Variants in CD40 observed in about 807,000 individuals in gnomAD.
The protein encoded by CD40 is tumor necrosis factor receptor superfamily member 5.
In CD40, 19 loss-of-function variants were observed where a neutral mutation model predicts 38.5. That is an observed-to-expected ratio of 0.49 (90% CI 0.34 to 0.72). The LOEUF is 0.72. CD40 is among the 30% of genes least tolerant of loss of function. The probability of loss-of-function intolerance (pLI) is 0.01; values close to 1 mark genes in which losing one functional copy is unlikely to be tolerated. For synonymous variants in CD40, 130 were observed against 128.7 expected (o/e 1.01, Z -0.07); for missense variants, 256 against 344.1 (o/e 0.74, Z 2.03).
chr20:46,125,624 T>A (rs1350668836), intron 5 of CD40, among the ~76,000 whole-genome samples: 1 of 151,400 alleles, frequency 6.6e-6, no homozygotes, highest in Non-Finnish European at 1.5e-5. Flanking sequence ...CCACCTTAGA[T>A]GATTTTTCCT....
intron 1 of CD40, among the ~76,000 whole-genome samples, chr20:46,121,120 T>C (rs1316765689): frequency 6.6e-6 from 1 of 152,176 alleles, no homozygotes. Context: ...GCATGGGTGG[T>C]ACCTGGATGT....
chr20:46,128,094 A>G, intron 6 of CD40, 44 bp from the exon 7 acceptor site: 3 of 1,614,060 alleles, frequency 1.9e-6, no homozygotes, highest in Non-Finnish European at 2.5e-6. Context: ...GGGTAGGGAG[A>G]AACTGCAGGT....
intron 6 of CD40, chr20:46,127,041 C>T: frequency 2.6e-6 from 1 of 391,120 alleles, no homozygotes; most frequent in South Asian, 2.2e-5. Context: ...GCTAAATGAC[C>T]AGTTAATGGG....
chr20:46,124,668 C>T (rs2085387493), intron 5 of CD40, among the ~76,000 whole-genome samples: 1 of 150,212 alleles, frequency 6.7e-6, no homozygotes, highest in African/African-American at 2.5e-5. Context: ...ATCCCCTATA[C>T]CTGGAACAGT....
rs1013244102 is a variant in CD40, at chr20:46,123,113, C to A, written c.404-13C>A. The A allele has an allele frequency of 3.1e-6, 5 of 1,604,084 alleles. No homozygotes were observed. The highest frequency in any genetic ancestry group is 1.3e-5 in the African/African-American group (1 of 74,846). ...CTGTGATGGTTAATGTCCCCCTCCC[C>A]ACCCACTCCCAGCTACAGGGGTTTC... On this transcript the variant is annotated splice_polypyrimidine_tract_variant and intron_variant, in intron 4 of 8. Transcript: ENST00000372285.
rs2085504910 is a variant in CD40, at chr20:46,129,172, AC to A, written c.*136del. The A allele has an allele frequency of 1.0e-6, 1 of 987,212 alleles. No homozygotes were observed. The highest frequency in any genetic ancestry group is 1.9e-5 in the Admixed American group (1 of 52,198). 61.2% of individuals were successfully genotyped at this position (987,212 alleles called of 1,614,324 possible). Reference sequence around the variant, plus strand: ...GGCATAGCTCCCCGCTTCTGCCTGCACCCCTGCAGTTTGAGACAGGAGACCT... The same window carrying A: ...GGCATAGCTCCCCGCTTCTGCCTGCACCCTGCAGTTTGAGACAGGAGACCT... On this transcript the variant is annotated 3_prime_UTR_variant, in exon 9 of 9. Transcript: ENST00000372285.
In CD40 at chr20:46,129,413, C is replaced by G; in HGVS notation, c.*373C>G. 1 of 308,894 alleles carries G rather than the reference C, an allele frequency of 3.2e-6. No individual in the cohort carries two copies. The highest frequency in any genetic ancestry group is 4.4e-5 in the Admixed American group (1 of 22,978). 19.1% of individuals were successfully genotyped at this position (308,894 alleles called of 1,614,324 possible). A position where few individuals can be genotyped will look rare whatever the true frequency, so the allele number is the denominator to read the frequency against. ...CCCTGCGCCCAGGAAGCCATATACA[C>G]AGATGCCCATTGCAGCATTGTTTGT... On this transcript the variant is annotated 3_prime_UTR_variant, in exon 9 of 9. Coordinates refer to ENST00000372285, the MANE Select transcript of CD40 (RefSeq NM_001250.6).
At chr20:46,127,983 C>T (rs2085469324) in intron 6 of CD40, 155 bp from the exon 7 acceptor site, 4 of 1,457,678 alleles carry the variant, frequency 2.7e-6, no homozygotes, top group African/African-American at 2.8e-5. Context: ...TTAAAGACAT[C>T]TGCCAGCCAC....
rs1175794755 is a variant in CD40, at chr20:46,122,891, T to C, written c.403+135T>C. 16 of 1,142,660 alleles carry C rather than the reference T, an allele frequency of 1.4e-5. No individual in the cohort carries two copies. The highest frequency in any genetic ancestry group is 2.0e-5 in the Non-Finnish European group (16 of 793,868). 70.8% of individuals were successfully genotyped at this position (1,142,660 alleles called of 1,614,324 possible). On this transcript the variant is annotated intron_variant, in intron 4 of 8. Transcript: ENST00000372285. The surrounding 1 kb of genome is among the most constrained non-coding windows in gnomAD (Gnocchi z 5.0). ...CTCCAACCTATGTCGGTATCCCCAC[T>C]GGAGTGAGCTGCAGACGGGACCTTG...
At chr20:46,120,456 G>C (rs1332732353) in intron 1 of CD40, among the ~76,000 whole-genome samples, 1 of 152,218 alleles carries the variant, frequency 6.6e-6, no homozygotes, top group African/African-American at 2.4e-5. Flanking sequence ...CAAACTGTGG[G>C]ACAGTTTTAA....
At chr20:46,124,756 T>TTTG (rs2085392518) in intron 5 of CD40, among the ~76,000 whole-genome samples, 2 of 66,550 alleles carry the variant, frequency 3.0e-5, no homozygotes, top group Non-Finnish European at 6.9e-5. Context: ...GTATAGTTTT[T>TTTG]TTTTTTTTTT....
At chr20:46,125,546 C>CAAAAAAA (rs60475326) in intron 5 of CD40, among the ~76,000 whole-genome samples, 4 of 69,426 alleles carry the variant, frequency 5.8e-5, no homozygotes, top group East Asian at 4.3e-4. Flanking sequence ...GACTCTGTCT[C>CAAAAAAA]AAAAAAAAAA....
At chr20:46,125,765 C>T in intron 5 of CD40, among the ~76,000 whole-genome samples, 1 of 149,866 alleles carries the variant, frequency 6.7e-6, no homozygotes, top group South Asian at 2.1e-4. Context: ...CTCCTCTGAG[C>T]TCTCTGGGCA....
intron 5 of CD40, among the ~76,000 whole-genome samples, chr20:46,126,179 A>T (rs1189801862): frequency 6.6e-6 from 1 of 152,204 alleles, no homozygotes; most frequent in African/African-American, 2.4e-5. Context: ...GATGCTGCTG[A>T]ACATCTGCAA....
At chr20:46,128,286 C>T in intron 7 of CD40, 44 bp from the exon 8 acceptor site, 1 of 1,606,706 alleles carries the variant, frequency 6.2e-7, no homozygotes, top group Admixed American at 1.7e-5. Flanking sequence ...TCTTATCTGG[C>T]CTCTCCAACT....
intron 8 of CD40, chr20:46,128,626 T>G: frequency 2.9e-6 from 2 of 689,478 alleles, no homozygotes; most frequent in Non-Finnish European, 5.2e-6. Context: ...GAGCTGCATC[T>G]TTGGGCCTTG....
intron 8 of CD40, 105 bp downstream of exon 8, chr20:46,128,463 C>T: frequency 7.9e-7 from 1 of 1,267,332 alleles, no homozygotes; most frequent in Non-Finnish European, 1.1e-6. Flanking sequence ...GTCTCTGCAG[C>T]CAGTGGGGTG....
At chr20:46,123,478 T>C (rs1260556165) in intron 5 of CD40, among the ~76,000 whole-genome samples, 1 of 152,222 alleles carries the variant, frequency 6.6e-6, no homozygotes, top group Non-Finnish European at 1.5e-5. Flanking sequence ...TTGGGACACT[T>C]ATTTTAGCTT....
intron 5 of CD40, 36 bp from the exon 6 acceptor site, chr20:46,126,604 C>G (rs562952345): frequency 2.5e-5 from 40 of 1,613,448 alleles, no homozygotes; most frequent in African/African-American, 2.1e-4. Context: ...CTTTCTTTCT[C>G]TGTGTGTGTG....
Sources: allele counts gnomAD v4.1 joint callset (sites outside exome capture counted in the v4.1 genomes callset), GRCh38; gene constraint gnomAD v4.1.1; non-coding constraint Gnocchi (gnomAD v3.1); transcripts MANE v1.5; gene names NCBI Gene and HGNC (gene_info 2026-07-23, HGNC 2026-07-21).